TBC1D22A: variants seen among roughly 807,000 people sequenced by gnomAD.
The protein encoded by TBC1D22A is putative GTPase activator.
TBC1D22A carries 38 observed loss-of-function variants against 60.2 expected under a neutral mutation model. The observed-to-expected ratio is 0.63, with a 90% CI of 0.49 to 0.83. TBC1D22A has a LOEUF of 0.83. Among genes scored for constraint, TBC1D22A ranks in the 40% least tolerant of loss-of-function variants. The pLI is 0.00. For missense variants in TBC1D22A, 628 were observed against 701.0 expected (o/e 0.90, Z 1.18); for synonymous variants, 302 against 281.7 (o/e 1.07, Z -0.72).
intron 11 of TBC1D22A, among the ~76,000 whole-genome samples, chr22:47,086,191 G>A (rs531585707): frequency 2.6e-5 from 4 of 152,292 alleles, no homozygotes; most frequent in South Asian, 2.1e-4. Context: ...CTGGCCGAGC[G>A]CGGTGGCTCA....
At chr22:46,954,703 G>C (rs978100783) in intron 8 of TBC1D22A, among the ~76,000 whole-genome samples, 5 of 152,190 alleles carry the variant, frequency 3.3e-5, no homozygotes, top group African/African-American at 9.7e-5. Flanking sequence ...GTTTGGGCTG[G>C]AGTGAAATGG....
chr22:47,090,114 T>C (rs1333209874), intron 11 of TBC1D22A, among the ~76,000 whole-genome samples: 3 of 152,084 alleles, frequency 2.0e-5, no homozygotes. Flanking sequence ...GCGGTCCTCA[T>C]CTCTAGAAGC....
At chr22:46,935,588 C>T (rs775972094) in intron 8 of TBC1D22A, among the ~76,000 whole-genome samples, 76 of 152,196 alleles carry the variant, frequency 5.0e-4, no homozygotes, top group African/African-American at 1.4e-3. Context: ...CCTGTGATTC[C>T]GTCTCGCCCC....
At chr22:47,019,397 T>A (rs1374029159) in intron 10 of TBC1D22A, among the ~76,000 whole-genome samples, 1 of 152,246 alleles carries the variant, frequency 6.6e-6, no homozygotes, top group East Asian at 1.9e-4. Context: ...TCTGATGAGA[T>A]GGCAGATTGG....
chr22:46,784,551 A>G (rs2084078503), intron 1 of TBC1D22A, among the ~76,000 whole-genome samples: 1 of 152,242 alleles, frequency 6.6e-6, no homozygotes, highest in South Asian at 2.1e-4. Flanking sequence ...TTGTTGGAAC[A>G]TTTTTTGTTT....
intron 4 of TBC1D22A, among the ~76,000 whole-genome samples, chr22:46,810,347 T>C (rs1454658868): frequency 6.6e-6 from 1 of 152,208 alleles, no homozygotes; most frequent in Admixed American, 6.5e-5. Flanking sequence ...TCGAGTAGAT[T>C]TATATAGACG....
intron 11 of TBC1D22A, among the ~76,000 whole-genome samples, chr22:47,096,184 A>G (rs899979099): frequency 6.6e-6 from 1 of 152,190 alleles, no homozygotes; most frequent in Non-Finnish European, 1.5e-5. Flanking sequence ...TTAGAAACAC[A>G]TTTCACATGT....
chr22:47,149,262 C>T (rs529537495), intron 12 of TBC1D22A, among the ~76,000 whole-genome samples: 4 of 152,194 alleles, frequency 2.6e-5, no homozygotes, highest in African/African-American at 7.2e-5. Context: ...GCTCACGGCC[C>T]GGCGGCGGCA....
intron 11 of TBC1D22A, 47 bp downstream of exon 11, chr22:47,037,245 G>A: frequency 6.2e-7 from 1 of 1,605,576 alleles, no homozygotes; most frequent in Middle Eastern, 1.7e-4. Context: ...CAGGAGCCCG[G>A]GCCGTTTCCT....
chr22:46,959,711 C>T (rs2148048954), intron 8 of TBC1D22A, among the ~76,000 whole-genome samples: 1 of 152,282 alleles, frequency 6.6e-6, no homozygotes, highest in South Asian at 2.1e-4. Context: ...CGGCCAAGCC[C>T]AGCCGCGCCT....
intron 5 of TBC1D22A, among the ~76,000 whole-genome samples, chr22:46,888,572 C>A (rs1169729579): frequency 6.6e-6 from 1 of 152,316 alleles, no homozygotes; most frequent in East Asian, 1.9e-4. Context: ...ACCAGCCCCA[C>A]CTCGTGGGAG....
At chr22:46,874,064 C>A (rs928353947) in intron 4 of TBC1D22A, among the ~76,000 whole-genome samples, 9 of 152,332 alleles carry the variant, frequency 5.9e-5, no homozygotes, top group Non-Finnish European at 1.3e-4. Context: ...CCTGCCTCGG[C>A]CTCCCAAAGT....
At chr22:46,854,405 A>T (rs2087459509) in intron 4 of TBC1D22A, among the ~76,000 whole-genome samples, 1 of 151,628 alleles carries the variant, frequency 6.6e-6, no homozygotes, top group Non-Finnish European at 1.5e-5. Flanking sequence ...CTCCTCCTCC[A>T]CTGAACAAGC....
At chr22:47,087,564 A>C (rs1012721708) in intron 11 of TBC1D22A, among the ~76,000 whole-genome samples, 1 of 152,234 alleles carries the variant, frequency 6.6e-6, no homozygotes, top group Non-Finnish European at 1.5e-5. Context: ...AAAAGTTCTC[A>C]AACTTCAGAT....
At chr22:46,929,889 C>T (rs1242203206) in intron 8 of TBC1D22A, among the ~76,000 whole-genome samples, 1 of 152,144 alleles carries the variant, frequency 6.6e-6, no homozygotes, top group East Asian at 1.9e-4. Context: ...TGGGAACTTT[C>T]CACACAGAAC....
intron 4 of TBC1D22A, among the ~76,000 whole-genome samples, chr22:46,803,816 C>A (rs1415922848): frequency 1.3e-5 from 2 of 152,224 alleles, no homozygotes; most frequent in Non-Finnish European, 2.9e-5. Context: ...GCAGAGGGAA[C>A]AAACTCCAGC....
chr22:46,782,469 T>C (rs1377724969), intron 1 of TBC1D22A, among the ~76,000 whole-genome samples: 1 of 152,250 alleles, frequency 6.6e-6, no homozygotes, highest in Non-Finnish European at 1.5e-5. Flanking sequence ...GGGCCCTTCC[T>C]TTCCTCCCTT....
intron 8 of TBC1D22A, among the ~76,000 whole-genome samples, chr22:46,942,205 G>A (rs12159300): frequency 0.022 from 3,364 of 152,038 alleles, 133 homozygotes; most frequent in African/African-American, 0.077. Context: ...CATGTGGTTC[G>A]TATTAGGTAT....
chr22:46,837,995 G>A (rs2086592986), intron 4 of TBC1D22A, among the ~76,000 whole-genome samples: 1 of 152,220 alleles, frequency 6.6e-6, no homozygotes, highest in African/African-American at 2.4e-5. Flanking sequence ...GGGAGGCGGA[G>A]GTTGCAGTGA....
Sources: gnomAD v4.1 joint callset for allele counts (sites outside exome capture counted in the v4.1 genomes callset) on GRCh38, gnomAD v4.1.1 for gene constraint, MANE v1.5 for transcripts, NCBI Gene and HGNC (gene_info 2026-07-23, HGNC 2026-07-21) for gene names.